MAGI2: variants seen among roughly 807,000 people sequenced by gnomAD.
MAGI2 encodes membrane-associated guanylate kinase, WW and PDZ domain-containing protein 2.
Under a neutral mutation model 133.3 loss-of-function variants are expected in MAGI2, and 35 were observed. The ratio of observed to expected loss-of-function variants is 0.26; its 90% CI spans 0.20 to 0.35. The LOEUF is 0.35. Ranked by LOEUF, MAGI2 falls within the 10% of genes least tolerant of loss-of-function variation. MAGI2 has a pLI of 1.00. For synonymous variants in MAGI2, 729 were observed against 710.6 expected (o/e 1.03, Z -0.41); for missense variants, 1,636 against 1,863.4 (o/e 0.88, Z 2.25).
chr7:78,713,362 T>A (rs895471157), intron 2 of MAGI2, among the ~76,000 whole-genome samples: 1 of 152,166 alleles, frequency 6.6e-6, no homozygotes, highest in Non-Finnish European at 1.5e-5. Flanking sequence ...GCCCTGGTTA[T>A]AGTTTTGGCA....
intron 2 of MAGI2, among the ~76,000 whole-genome samples, chr7:78,837,488 T>C (rs1308716833): frequency 6.6e-6 from 1 of 152,112 alleles, no homozygotes; most frequent in Non-Finnish European, 1.5e-5. Context: ...TAGTTGGTCA[T>C]TTTGGTGACT....
At chr7:78,522,789 A>G (rs1169626505) in intron 3 of MAGI2, among the ~76,000 whole-genome samples, 1 of 152,214 alleles carries the variant, frequency 6.6e-6, no homozygotes, top group East Asian at 1.9e-4. Context: ...TATAGCACCA[A>G]CTTTGAACCT....
intron 1 of MAGI2, among the ~76,000 whole-genome samples, chr7:79,133,613 G>C (rs1251643920): frequency 1.3e-5 from 2 of 152,016 alleles, no homozygotes; most frequent in Non-Finnish European, 2.9e-5. Context: ...ATTGTCATTA[G>C]TAGTATTATT....
chr7:79,328,192 T>C (rs910137967), intron 1 of MAGI2, among the ~76,000 whole-genome samples: 2 of 152,138 alleles, frequency 1.3e-5, no homozygotes, highest in African/African-American at 4.8e-5. Context: ...AATAATCAAA[T>C]AGATGCAAAT....
In MAGI2 at chr7:78,871,266, G is replaced by A. The variant is rs187314085; in HGVS notation, c.418+135824C>T. Among the ~76,000 whole-genome samples, 42 of 152,138 alleles carry A rather than the reference G, an allele frequency of 2.8e-4. 2 individuals are homozygous for A. In the East Asian group the frequency reaches 7.9e-3, roughly 29 times the overall value. On this transcript the variant is annotated intron_variant, in intron 2 of 21. Coordinates refer to ENST00000354212, the MANE Select transcript of MAGI2 (RefSeq NM_012301.4). Reference sequence around the variant, plus strand: ...GCGAAGCTTGCCGTGAGCCAAGATCGCGCCACTGCACTCAGCCTGGGGGAC... The same window carrying A: ...GCGAAGCTTGCCGTGAGCCAAGATCACGCCACTGCACTCAGCCTGGGGGAC...
At chr7:79,426,924 G>A (rs1396685855) in intron 1 of MAGI2, among the ~76,000 whole-genome samples, 3 of 152,030 alleles carry the variant, frequency 2.0e-5, no homozygotes, top group East Asian at 3.9e-4. Flanking sequence ...CTGTATGCCT[G>A]GATGGTTCTG....
At chr7:78,902,786 CCT>C (rs1797704559) in intron 2 of MAGI2, among the ~76,000 whole-genome samples, 1 of 152,156 alleles carries the variant, frequency 6.6e-6, no homozygotes. Flanking sequence ...CAATTGGACC[CCT>C]GTTGGTAGTT....
intron 10 of MAGI2, among the ~76,000 whole-genome samples, chr7:78,209,200 C>A (rs368058442): frequency 3.5e-3 from 84 of 23,716 alleles, no homozygotes; most frequent in African/African-American, 7.6e-3. Flanking sequence ...CCACCCTGGG[C>A]GACAGAGCAA....
intron 1 of MAGI2, among the ~76,000 whole-genome samples, chr7:79,043,136 A>C (rs1811825906): frequency 6.6e-6 from 1 of 152,120 alleles, no homozygotes; most frequent in Non-Finnish European, 1.5e-5. Context: ...AGTTAGAAAG[A>C]TCTTAAATTA....
At chr7:78,985,045 A>G (rs188342197) in intron 2 of MAGI2, among the ~76,000 whole-genome samples, 1 of 148,396 alleles carries the variant, frequency 6.7e-6, no homozygotes, top group East Asian at 2.0e-4. Flanking sequence ...TCTGTTGTCC[A>G]GACAGGAATG....
intron 7 of MAGI2, among the ~76,000 whole-genome samples, chr7:78,348,701 C>T (rs1188632038): frequency 6.6e-6 from 1 of 152,120 alleles, no homozygotes; most frequent in African/African-American, 2.4e-5. Flanking sequence ...TAAAAATATA[C>T]AATTAAGTTA....
chr7:79,089,193 A>G (rs1816819183), intron 1 of MAGI2, among the ~76,000 whole-genome samples: 1 of 152,186 alleles, frequency 6.6e-6, no homozygotes, highest in Non-Finnish European at 1.5e-5. Context: ...GCCAACAAAC[A>G]TATGAAAAAA....
At chr7:79,078,075 C>T (rs931454404) in intron 1 of MAGI2, among the ~76,000 whole-genome samples, 3 of 152,120 alleles carry the variant, frequency 2.0e-5, no homozygotes, top group Non-Finnish European at 4.4e-5. Flanking sequence ...CTGATAAGAC[C>T]TTATCTATAA....
At chr7:78,739,711 T>A (rs1822207645) in intron 2 of MAGI2, among the ~76,000 whole-genome samples, 1 of 152,192 alleles carries the variant, frequency 6.6e-6, no homozygotes, top group African/African-American at 2.4e-5. Context: ...GTGAAAGCAA[T>A]TTCTTAGTTC....
At chr7:78,446,134 T>A (rs10259934) in intron 6 of MAGI2, among the ~76,000 whole-genome samples, 2 of 151,108 alleles carry the variant, frequency 1.3e-5, no homozygotes, top group African/African-American at 4.9e-5. Context: ...ATTTTTTGAA[T>A]TTGAAATACT....
At position 78,345,918 on chromosome 7, in the gene MAGI2, A is replaced by G; in HGVS notation, c.1225+4T>C. On this transcript the variant is annotated splice_donor_region_variant and intron_variant, in intron 8 of 21. Transcript: ENST00000354212. ...GAAACATCACATGCTGACAGGTATC[A>G]TACCTCGGAAACCTGGGGCCTGCAG... 3 of 1,613,934 alleles carry G rather than the reference A, an allele frequency of 1.9e-6. No homozygotes were observed. The highest frequency in any genetic ancestry group is 1.3e-5 in the African/African-American group (1 of 75,034).
intron 2 of MAGI2, among the ~76,000 whole-genome samples, chr7:78,878,055 C>T (rs1795562923): frequency 6.6e-6 from 1 of 152,170 alleles, no homozygotes; most frequent in African/African-American, 2.4e-5. Flanking sequence ...CCTGGCTTTC[C>T]TTTTCAATAA....
intron 20 of MAGI2, among the ~76,000 whole-genome samples, chr7:78,121,018 A>AAAT (rs1563147498): frequency 6.6e-6 from 1 of 150,558 alleles, no homozygotes; most frequent in Non-Finnish European, 1.5e-5. Flanking sequence ...AAAAAAAAAA[A>AAAT]AAATAATGAT....
At chr7:79,338,909 G>A (rs1284499704) in intron 1 of MAGI2, among the ~76,000 whole-genome samples, 1 of 152,050 alleles carries the variant, frequency 6.6e-6, no homozygotes, top group Non-Finnish European at 1.5e-5. Context: ...AGCATTCAGA[G>A]TCAAGGAAAA....
Sources: allele counts gnomAD v4.1 joint callset (sites outside exome capture counted in the v4.1 genomes callset), GRCh38; gene constraint gnomAD v4.1.1; transcripts MANE v1.5; gene names NCBI Gene and HGNC (gene_info 2026-07-23, HGNC 2026-07-21).